FBN3: variants seen among roughly 807,000 people sequenced by gnomAD.
FBN3 encodes the protein fibrillin-3.
In FBN3, 234 loss-of-function variants were observed where a neutral mutation model predicts 330.1. The observed-to-expected ratio is 0.71, with a 90% CI of 0.64 to 0.79. FBN3 has a LOEUF of 0.79. Among genes scored for constraint, FBN3 ranks in the 30% least tolerant of loss-of-function variants. The pLI is 0.00. For synonymous variants in FBN3, 1,458 were observed against 1,517.3 expected (o/e 0.96, Z 0.91); for missense variants, 3,606 against 3,886.9 (o/e 0.93, Z 1.92).
rs10906993 is a variant in FBN3, at chr19:8,126,354, C to T, written c.2555-7G>A. The T allele has an allele frequency of 1, 1,585,032 of 1,589,444 alleles. 790,384 individuals are homozygous for T. Among genetic ancestry groups the T allele is most frequent in the African/African-American group, 1 (74,934 of 74,966 alleles). On this transcript the variant is annotated splice_polypyrimidine_tract_variant and splice_region_variant and intron_variant, in intron 20 of 63. Transcript: ENST00000600128. The stretch of plus-strand genomic sequence containing the variant: ...CCCCGGGCACAGGCAGGGTCTGCAA[C>T]TGGGAGAACAAGAGTGAAGAGAGGA...
At chr19:8,083,466 G>C (rs903919586) in intron 56 of FBN3, 94 bp from the exon 57 acceptor site, 2 of 1,482,330 alleles carry the variant, frequency 1.3e-6, no homozygotes, top group Non-Finnish European at 1.9e-6. Flanking sequence ...CCGTCTCCTC[G>C]GAGGAAAGTC....
Position 8,083,360 on chromosome 19 carries a change from C to T in FBN3, c.7100G>A (p.Cys2367Tyr), listed in dbSNP as rs1195859649. The T allele has an allele frequency of 6.2e-7, 1 of 1,613,884 alleles. No homozygotes were observed. Among genetic ancestry groups the T allele is most frequent in the Non-Finnish European group, 8.5e-7 (1 of 1,180,026 alleles). ...YTAEGRDVDE[C>Y]RMLAHLCAHG... ...AGCACACAGGTGAGCAAGCATACGGCATTCATCTACATCTGGGAAAAAGTA... is the reference window on the plus strand; with the variant it reads ...AGCACACAGGTGAGCAAGCATACGGTATTCATCTACATCTGGGAAAAAGTA... Residue 2367 changes from cysteine to tyrosine, a missense_variant, in exon 57 of 64, where the codon TGC becomes TAC. Cys to Tyr is a radical substitution (Grantham distance 194). Transcript: ENST00000600128.
chr19:8,094,667 C>T (rs2082173056), intron 46 of FBN3, 102 bp from the exon 47 acceptor site: 9 of 1,364,036 alleles, frequency 6.6e-6, no homozygotes, highest in Non-Finnish European at 8.0e-6. Flanking sequence ...CACTGAGGGC[C>T]CCAGGACAAG....
At chr19:8,118,220 C>T (rs1206291991) in intron 26 of FBN3, among the ~76,000 whole-genome samples, 1 of 152,156 alleles carries the variant, frequency 6.6e-6, no homozygotes, top group East Asian at 1.9e-4. Context: ...CACAAACACA[C>T]CTCTATAAAC....
At chr19:8,078,926 C>T (rs8104066) in intron 59 of FBN3, among the ~76,000 whole-genome samples, 93,411 of 151,190 alleles carry the variant, frequency 0.62, 30,318 homozygotes, top group African/African-American at 0.82. Context: ...AGACTACAGG[C>T]AGGTGTCACC....
rs771028896 is a variant in FBN3, at chr19:8,102,770, G to A, written c.5043C>T (p.Gly1681=). ...CCTCACAGGGTCTATTCCAGGCCTGGCCAATGTTGTAGGAGCAGCAACACA... is the reference window on the plus strand; with the variant it reads ...CCTCACAGGGTCTATTCCAGGCCTGACCAATGTTGTAGGAGCAGCAACACA... The part of the protein sequence containing the change: ...RKMCCCSYNI[G]QAWNRPCEAC... The change falls in exon 40 of 64, where the codon GGC becomes GGT. Residue 1681 remains glycine (G), a synonymous_variant. Coordinates refer to ENST00000600128, the MANE Select transcript of FBN3 (RefSeq NM_032447.5). 3 of 1,614,080 alleles carry A rather than the reference G, an allele frequency of 1.9e-6. No individual in the cohort carries two copies. The highest frequency in any genetic ancestry group is 1.1e-5 in the South Asian group (1 of 91,074).
chr19:8,120,474 C>T (rs1310163584), intron 25 of FBN3, among the ~76,000 whole-genome samples: 1 of 136,954 alleles, frequency 7.3e-6, no homozygotes, highest in African/African-American at 2.6e-5. Flanking sequence ...CTGGCTTTTT[C>T]CTCTTCCTTC....
At chr19:8,100,239 A>G (rs1045435106) in intron 41 of FBN3, among the ~76,000 whole-genome samples, 30 of 152,070 alleles carry the variant, frequency 2.0e-4, no homozygotes, top group African/African-American at 7.2e-4. Context: ...ACAGAGTTTC[A>G]GTGGGAGGAG....
intron 34 of FBN3, 103 bp downstream of exon 34, chr19:8,110,742 A>G (rs1301265885): frequency 1.4e-6 from 2 of 1,465,764 alleles, no homozygotes; most frequent in Non-Finnish European, 1.9e-6. Flanking sequence ...ACTGCAGGGG[A>G]GGATGCTTGA....
Position 8,081,291 on chromosome 19 carries a change from G to C in FBN3, c.7336+67C>G. On this transcript the variant is annotated intron_variant, in intron 58 of 63. Coordinates refer to ENST00000600128, the MANE Select transcript of FBN3 (RefSeq NM_032447.5). ...GGTGAGATTGCAGGGGACATGTCTT[G>C]GGCATCCCTTTGGGGCCCTAGACTG... The C allele has an allele frequency of 5.8e-6, 9 of 1,547,504 alleles. No homozygotes were observed. In the Middle Eastern group the frequency reaches 8.7e-4, roughly 149 times the overall value.
At chr19:8,080,868 C>G in intron 59 of FBN3, 135 bp downstream of exon 59, 1 of 640,742 alleles carries the variant, frequency 1.6e-6, no homozygotes, top group Non-Finnish European at 2.8e-6. Flanking sequence ...ATGATCCACC[C>G]GCTTCAGCTT....
At chr19:8,089,421 G>T (rs2082042041) in intron 51 of FBN3, 124 bp downstream of exon 51, 5 of 1,010,460 alleles carry the variant, frequency 4.9e-6, no homozygotes, top group Non-Finnish European at 7.2e-6. Flanking sequence ...GTGAATGGGG[G>T]AGAGAGGCAG....
rs926606710 is a variant in FBN3 at position 8,142,700 on chromosome 19, A to C, written c.542-563T>G. ...CTCTCTTCTCCCAGATGTTTCCAAT[A>C]AAGGAGTTAGCTCTCAAACAAGGGC... On this transcript the variant is annotated intron_variant, in intron 6 of 63. Transcript: ENST00000600128. Among the ~76,000 whole-genome samples the C allele has an allele frequency of 2.6e-5, 4 of 152,092 alleles. No individual in the cohort carries two copies. The South Asian group carries it at 8.3e-4, about 32-fold the overall frequency.
intron 24 of FBN3, among the ~76,000 whole-genome samples, chr19:8,122,434 T>G (rs1179307662): frequency 6.6e-6 from 1 of 152,178 alleles, no homozygotes; most frequent in African/African-American, 2.4e-5. Context: ...TGGCACAATC[T>G]TGGCTTACTG....
At chr19:8,140,157 A>G (rs1165003302) in intron 8 of FBN3, among the ~76,000 whole-genome samples, 1 of 152,202 alleles carries the variant, frequency 6.6e-6, no homozygotes, top group Non-Finnish European at 1.5e-5. Flanking sequence ...CAAGAGAGAC[A>G]GAATATAAGA....
intron 26 of FBN3, among the ~76,000 whole-genome samples, chr19:8,117,798 C>T (rs1235631257): frequency 2.0e-5 from 3 of 152,104 alleles, no homozygotes; most frequent in South Asian, 2.1e-4. Context: ...ACACACCCCA[C>T]GTGCCCGCTC....
chr19:8,121,469 T>C lies in FBN3; in HGVS notation c.3083-83A>G. 1.4e-6 allele frequency: 2 copies of C among 1,381,514 alleles called. No homozygotes were observed. The highest frequency in any genetic ancestry group is 1.9e-6 in the Non-Finnish European group (2 of 1,032,242). 85.6% of individuals were successfully genotyped at this position (1,381,514 alleles called of 1,614,324 possible). A position where few individuals can be genotyped will look rare whatever the true frequency, so the allele number is the denominator to read the frequency against. ...AGGCAGGGGGGTCCCTGTCCTTTGA[T>C]GGAGGTGTGGGCTAGAGGAAGCCCA... On this transcript the variant is annotated intron_variant, in intron 24 of 63. Coordinates refer to ENST00000600128, the MANE Select transcript of FBN3 (RefSeq NM_032447.5). This position sits in a 1 kb window ranked among gnomAD's most constrained non-coding sequence, Gnocchi z 4.5.
chr19:8,096,116 C>A lies in FBN3; in HGVS notation c.5540-36G>T, dbSNP rs1032367815. On this transcript the variant is annotated intron_variant, in intron 44 of 63. Coordinates refer to ENST00000600128, the MANE Select transcript of FBN3 (RefSeq NM_032447.5). This position sits in a 1 kb window ranked among gnomAD's most constrained non-coding sequence, Gnocchi z 4.6. Reference sequence around the variant, plus strand: ...AAAGCCGAGAGCCCAACCCAGCTCACCCAGGGCATTGGGGAACTTGGGGAG... The same window carrying A: ...AAAGCCGAGAGCCCAACCCAGCTCAACCAGGGCATTGGGGAACTTGGGGAG... The A allele has an allele frequency of 6.6e-6, 10 of 1,526,418 alleles. No homozygotes were observed. Among genetic ancestry groups the A allele is most frequent in the African/African-American group, 2.7e-5 (2 of 73,226 alleles). 94.6% of individuals were successfully genotyped at this position (1,526,418 alleles called of 1,614,324 possible).
At chr19:8,114,068 G>A (rs866662422) in intron 30 of FBN3, among the ~76,000 whole-genome samples, 5 of 151,774 alleles carry the variant, frequency 3.3e-5, no homozygotes, top group Non-Finnish European at 5.9e-5. Flanking sequence ...GAAGAAGGCC[G>A]TGTGAAGATG....
Sources: gnomAD v4.1 joint callset for allele counts (sites outside exome capture counted in the v4.1 genomes callset) on GRCh38, gnomAD v4.1.1 for gene constraint, Gnocchi (gnomAD v3.1) non-coding constraint, MANE v1.5 for transcripts, NCBI Gene and HGNC (gene_info 2026-07-23, HGNC 2026-07-21) for gene names.